The following MACROD2 variants were observed in gnomAD, a reference collection of about 807,000 sequenced individuals.
MACROD2 encodes mono-ADP ribosylhydrolase 2, also known as ADP-ribose glycohydrolase MACROD2.
In MACROD2, 36 loss-of-function variants were observed where a neutral mutation model predicts 70.4. The observed-to-expected ratio is 0.51, with a 90% confidence interval of 0.39 to 0.68. MACROD2 has a LOEUF of 0.68. MACROD2 is among the 30% of genes least tolerant of loss of function. The pLI is 0.00. For synonymous variants in MACROD2, 172 were observed against 178.8 expected, an observed-to-expected ratio of 0.96 and a Z score of 0.30; for missense variants, 496 against 538.4, an observed-to-expected ratio of 0.92 and a Z score of 0.78.
intron 6 of MACROD2, among the ~76,000 whole-genome samples, chr20:15,322,568 C>G (rs1472979840): frequency 6.9e-6 from 1 of 144,214 alleles, no homozygotes; most frequent in African/African-American, 2.5e-5. Context: ...TTCGTACTCT[C>G]CCCCGCTCAA....
chr20:15,214,982 C>A (rs998323525), intron 5 of MACROD2, among the ~76,000 whole-genome samples: 1 of 152,032 alleles, frequency 6.6e-6, no homozygotes, highest in Non-Finnish European at 1.5e-5. Flanking sequence ...AAATAAATAT[C>A]CCTTTTGGTC....
intron 10 of MACROD2, among the ~76,000 whole-genome samples, chr20:15,917,725 C>CA (rs1007964833): frequency 6.6e-6 from 1 of 150,938 alleles, no homozygotes; most frequent in Non-Finnish European, 1.5e-5. Flanking sequence ...TTCTCAAAAC[C>CA]AAAAAAATCT....
At chr20:15,482,145 A>C (rs1180035640) in intron 7 of MACROD2, among the ~76,000 whole-genome samples, 1 of 152,166 alleles carries the variant, frequency 6.6e-6, no homozygotes, top group Non-Finnish European at 1.5e-5. Flanking sequence ...GTTCCATCCC[A>C]GGCTTTCTCT....
intron 8 of MACROD2, among the ~76,000 whole-genome samples, chr20:15,838,062 T>C (rs1048544089): frequency 1.3e-5 from 2 of 152,004 alleles, no homozygotes; most frequent in South Asian, 2.1e-4. Context: ...AAAACTCATA[T>C]ACCGTATTAT....
intron 4 of MACROD2, among the ~76,000 whole-genome samples, chr20:14,641,242 C>A (rs866418257): frequency 1.9e-4 from 29 of 152,182 alleles, no homozygotes; most frequent in African/African-American, 5.5e-4. Context: ...CACAAGATTG[C>A]AGTGATTCAG....
At chr20:15,091,152 C>T (rs2075789672) in intron 5 of MACROD2, among the ~76,000 whole-genome samples, 1 of 152,016 alleles carries the variant, frequency 6.6e-6, no homozygotes, top group South Asian at 2.1e-4. Context: ...ACAGTACTAA[C>T]ACCTAGTAAC....
intron 4 of MACROD2, among the ~76,000 whole-genome samples, chr20:14,525,714 A>G (rs940770552): frequency 3.9e-5 from 6 of 152,256 alleles, no homozygotes; most frequent in African/African-American, 1.2e-4. Flanking sequence ...TGCATCTTCA[A>G]TGCCATTTAG....
At chr20:14,286,530 T>G (rs536668961) in intron 3 of MACROD2, among the ~76,000 whole-genome samples, 1 of 152,292 alleles carries the variant, frequency 6.6e-6, no homozygotes, top group African/African-American at 2.4e-5. Flanking sequence ...TTGTTTATTT[T>G]TAATCATCTT....
rs568300395 is a variant in MACROD2 at position 14,265,880 on chromosome 20, C to T, written c.271+180152C>T. ...CAAGCTCCGCCTTCCGGGTTCACGC[C>T]ATTCTCCTGCCTCAGCCTCCCAAGT... On this transcript the variant is annotated intron_variant, in intron 3 of 17. Transcript: ENST00000684519. Among the ~76,000 whole-genome samples the T allele has an allele frequency of 3.3e-5, 5 of 151,590 alleles. No individual in the cohort carries two copies. The South Asian group carries it at 1.0e-3, about 32-fold the overall frequency.
intron 5 of MACROD2, among the ~76,000 whole-genome samples, chr20:14,711,526 C>T (rs2071338262): frequency 6.6e-6 from 1 of 152,110 alleles, no homozygotes; most frequent in Non-Finnish European, 1.5e-5. Context: ...TTCTTGAAGG[C>T]TTTAAAAATA....
intron 10 of MACROD2, among the ~76,000 whole-genome samples, chr20:15,893,339 C>A (rs1358731164): frequency 2.0e-5 from 3 of 152,266 alleles, no homozygotes; most frequent in Non-Finnish European, 4.4e-5. Context: ...CATGTGATGA[C>A]CAGCTTTGCA....
intron 6 of MACROD2, among the ~76,000 whole-genome samples, chr20:15,342,714 A>G (rs113391475): frequency 5.9e-4 from 90 of 152,278 alleles, no homozygotes; most frequent in African/African-American, 2.1e-3. Flanking sequence ...TGTGACTTAA[A>G]ACATTAAATG....
At position 14,548,490 on chromosome 20, in the gene MACROD2, G is replaced by A; in HGVS notation, c.301+54982G>A. ...TCCCAGCACTTTGGGAGGCTGAGGC[G>A]GGCGGATCACGAGGTCAGGAGATCG... On this transcript the variant is annotated intron_variant, in intron 4 of 17. Transcript: ENST00000684519. Among the ~76,000 whole-genome samples the A allele has an allele frequency of 2.9e-5, 2 of 67,828 alleles. 1 individual carries two copies. Among genetic ancestry groups the A allele is most frequent in the Non-Finnish European group, 6.7e-5 (2 of 30,042 alleles). 44.5% of individuals were successfully genotyped at this position (67,828 alleles called of 152,430 possible).
At chr20:15,438,822 A>G (rs1347366540) in intron 7 of MACROD2, among the ~76,000 whole-genome samples, 1 of 152,232 alleles carries the variant, frequency 6.6e-6, no homozygotes. Flanking sequence ...TATTTGGTTC[A>G]TGACAGCAGT....
intron 2 of MACROD2, among the ~76,000 whole-genome samples, chr20:14,079,406 AATAAG>A (rs1297641970): frequency 6.6e-6 from 1 of 152,244 alleles, no homozygotes; most frequent in Non-Finnish European, 1.5e-5. Flanking sequence ...TAAACTAATA[AATAAG>A]ATAATTTTTA....
At chr20:15,787,344 T>C (rs1038840347) in intron 8 of MACROD2, among the ~76,000 whole-genome samples, 12 of 152,200 alleles carry the variant, frequency 7.9e-5, no homozygotes, top group African/African-American at 2.9e-4. Context: ...CAGGGGTACA[T>C]GTATAGGTCT....
rs377082062 is a variant in MACROD2, at chr20:14,483,414, A to AT, written c.272-10056dup. 8.0e-4 allele frequency among the ~76,000 whole-genome samples: 120 copies of AT among 149,828 alleles called. 1 individual carries two copies. Among genetic ancestry groups the AT allele is most frequent in the African/African-American group, 9.8e-4 (40 of 40,744 alleles). ...TCTCAAGTTTTTTATTTTTATTTTT[A>AT]TTTTTTTTTGAGACGGAGTTTCGCT... On this transcript the variant is annotated intron_variant, in intron 3 of 17. Transcript: ENST00000684519.
intron 5 of MACROD2, among the ~76,000 whole-genome samples, chr20:15,183,224 C>T (rs2076512161): frequency 6.6e-6 from 1 of 152,082 alleles, no homozygotes; most frequent in African/African-American, 2.4e-5. Context: ...TTCTACATTC[C>T]CATTCCTCAG....
chr20:14,947,094 T>C (rs913876797), intron 5 of MACROD2, among the ~76,000 whole-genome samples: 1 of 152,132 alleles, frequency 6.6e-6, no homozygotes, highest in Non-Finnish European at 1.5e-5. Flanking sequence ...AAATATCCCT[T>C]TGTGCTTCTC....
Sources: allele counts gnomAD v4.1 joint callset (sites outside exome capture counted in the v4.1 genomes callset), GRCh38; gene constraint gnomAD v4.1.1; transcripts MANE v1.5; gene names NCBI Gene and HGNC (gene_info 2026-07-23, HGNC 2026-07-21).